HDAC7: variants seen among roughly 807,000 people sequenced by gnomAD.
The protein encoded by HDAC7 is histone deacetylase 7A.
HDAC7 carries 26 observed loss-of-function variants against 115.5 expected under a neutral mutation model. The ratio of observed to expected loss-of-function variants is 0.23; its 90% CI spans 0.16 to 0.31. The LOEUF (loss-of-function observed/expected upper bound fraction) is 0.31, where lower values mean the gene tolerates loss of function less well. HDAC7 is among the 10% of genes least tolerant of loss of function. HDAC7 has a pLI of 1.00. For missense variants in HDAC7, 1,068 were observed against 1,329.0 expected (o/e 0.80, Z 3.05); for synonymous variants, 564 against 550.9 (o/e 1.02, Z -0.33).
intron 1 of HDAC7, among the ~76,000 whole-genome samples, chr12:47,815,592 A>C (rs968123024): frequency 2.0e-5 from 3 of 152,196 alleles, no homozygotes; most frequent in African/African-American, 4.8e-5. Context: ...CTGACTAGTC[A>C]ATCTGGAATG....
chr12:47,791,133 C>G, intron 16 of HDAC7, 126 bp downstream of exon 16: 1 of 945,650 alleles, frequency 1.1e-6, no homozygotes, highest in African/African-American at 1.6e-5. Context: ...CAGGAAGTCC[C>G]TGGCTCACCC....
At position 47,793,550 on chromosome 12, in the gene HDAC7, G is replaced by A. The variant is rs1196349321; in HGVS notation, c.1497C>T (p.Leu499=). The A allele has an allele frequency of 1.2e-5, 18 of 1,546,004 alleles. No homozygotes were observed. The East Asian group carries it at 3.9e-4, about 34-fold the overall frequency. ...CAGTGTCCCCGGTGCTGCCCCGGGG[G>A]AGCCGCCCAGCCAGTCGCTGCTGTT... ...LWEQQRLAGR[L]PRGSTGDTVL... The change falls in exon 13 of 26, where the codon CTC becomes CTT. Residue 499 remains leucine, a synonymous_variant. Transcript: ENST00000080059. This position sits in a 1 kb window ranked among gnomAD's most constrained non-coding sequence, Gnocchi z 4.5.
intron 1 of HDAC7, 74 bp downstream of exon 1, chr12:47,819,693 G>A (rs1186689231): frequency 3.8e-5 from 11 of 286,256 alleles, no homozygotes; most frequent in Non-Finnish European, 5.8e-5. Flanking sequence ...GGCCAGGGCC[G>A]GAGGCCGAGC....
intron 1 of HDAC7, chr12:47,817,490 C>A (rs1190113388): frequency 6.6e-6 from 1 of 152,322 alleles, no homozygotes; most frequent in Non-Finnish European, 1.5e-5. Context: ...TGCCCTCCCG[C>A]TAGCCCCAGA....
At chr12:47,786,753 G>T in intron 21 of HDAC7, 50 bp from the exon 22 acceptor site, 2 of 1,480,742 alleles carry the variant, frequency 1.4e-6, no homozygotes, top group South Asian at 1.1e-5. Context: ...GGGTTGCCAG[G>T]GGCGGTCCTG....
intron 1 of HDAC7, among the ~76,000 whole-genome samples, chr12:47,813,753 A>G (rs1944767970): frequency 6.6e-6 from 1 of 152,190 alleles, no homozygotes; most frequent in Admixed American, 6.5e-5. Flanking sequence ...CGGGAAGAGC[A>G]CTGAGCAGCC....
intron 1 of HDAC7, among the ~76,000 whole-genome samples, chr12:47,818,664 G>C (rs907257965): frequency 6.6e-6 from 1 of 152,224 alleles, no homozygotes; most frequent in Non-Finnish European, 1.5e-5. Flanking sequence ...GGGCCGCTGA[G>C]GGCCGATGCC....
Position 47,789,588 on chromosome 12 carries a change from G to T in HDAC7, c.2092-10C>A. 1 of 1,614,052 alleles carries T rather than the reference G, an allele frequency of 6.2e-7. No individual in the cohort carries two copies. Among genetic ancestry groups the T allele is most frequent in the Non-Finnish European group, 8.5e-7 (1 of 1,179,946 alleles). On this transcript the variant is annotated splice_polypyrimidine_tract_variant and intron_variant, in intron 17 of 25. Coordinates refer to ENST00000080059, the MANE Select transcript of HDAC7 (RefSeq NM_015401.5). ...CCACAGCGAAACCATTCTGGAAAAA[G>T]AAAGAATGCTTGTCAATCAACAGAC...
chr12:47,820,237 C>T (rs1385827615), upstream of HDAC7, among the ~76,000 whole-genome samples: 2 of 152,152 alleles, frequency 1.3e-5, no homozygotes, highest in East Asian at 3.9e-4. This position sits in a 1 kb window ranked among gnomAD's most constrained non-coding sequence, Gnocchi z 4.3. Context: ...GCTACCTGGG[C>T]GCACGCACCC....
intron 25 of HDAC7, 32 bp downstream of exon 25, chr12:47,784,047 C>T: frequency 6.2e-7 from 1 of 1,609,624 alleles, no homozygotes; most frequent in South Asian, 1.1e-5. Context: ...GGTGGAGAGG[C>T]TGTGGGCCCA....
In HDAC7 at chr12:47,785,430, G is replaced by T; in HGVS notation, c.2748C>A (p.Asn916Lys). 1 of 1,613,208 alleles carries T rather than the reference G, an allele frequency of 6.2e-7. No homozygotes were observed. The highest frequency in any genetic ancestry group is 8.5e-7 in the Non-Finnish European group (1 of 1,179,670). The change falls in exon 24 of 26, where the codon AAC (asparagine) becomes AAA (lysine). Residue 916 changes from asparagine (N) to lysine (K), a missense_variant. By Grantham distance (94) the Asn-to-Lys change is moderately conservative. Coordinates refer to ENST00000080059, the MANE Select transcript of HDAC7 (RefSeq NM_015401.5). ...CCTCCAGAGAGCGGATGGCATTGAG[G>T]TTGGGTTTCTGTTTCCAGCCTTCTT... is the stretch of plus-strand genomic sequence containing the variant. ...LSEEGWKQKP[N>K]LNAIRSLEAV...
intron 22 of HDAC7, 183 bp from the exon 23 acceptor site, chr12:47,786,068 G>C: frequency 1.6e-6 from 1 of 641,422 alleles, no homozygotes; most frequent in Non-Finnish European, 2.5e-6. Context: ...TTCACTCAAG[G>C]CTCAGGGAGG....
rs1414067639 is a variant in HDAC7, at chr12:47,798,014, G to A, written c.461+94C>T. 5.6e-6 allele frequency: 5 copies of A among 894,520 alleles called. No individual in the cohort carries two copies. Among genetic ancestry groups the A allele is most frequent in the African/African-American group, 1.6e-5 (1 of 60,638 alleles). The allele number at this position is 894,520 out of a possible 1,614,324, so 55.4% of individuals were successfully genotyped here. ...GTAAGGACTGGTTGTGGCAACTGGG[G>A]AGGAAGGAGGCAAGTGTGTGTGCTC... On this transcript the variant is annotated intron_variant, in intron 5 of 25. Coordinates refer to ENST00000080059, the MANE Select transcript of HDAC7 (RefSeq NM_015401.5). This position sits in a 1 kb window ranked among gnomAD's most constrained non-coding sequence, Gnocchi z 4.3.
At chr12:47,789,379 T>G (rs1943356018) in intron 18 of HDAC7, 31 bp from the exon 19 acceptor site, 1 of 1,596,538 alleles carries the variant, frequency 6.3e-7, no homozygotes, top group African/African-American at 1.3e-5. Context: ...TGCCAGCCCA[T>G]TCTCTCCACA....
rs750631029 is a variant in HDAC7, at chr12:47,787,702, G to C, written c.2453+10C>G. On this transcript the variant is annotated intron_variant, in intron 21 of 25. Coordinates refer to ENST00000080059, the MANE Select transcript of HDAC7 (RefSeq NM_015401.5). ...GTGGACTTGCCCCTCTGGGCCCCCAGAGCACGTACCTGAAAGCAGCCAGGT... is the reference window on the plus strand; with the variant it reads ...GTGGACTTGCCCCTCTGGGCCCCCACAGCACGTACCTGAAAGCAGCCAGGT... 6.9e-6 allele frequency: 11 copies of C among 1,597,436 alleles called. No individual in the cohort carries two copies. Among genetic ancestry groups the C allele is most frequent in the Middle Eastern group, 3.6e-4 (2 of 5,576 alleles).
At chr12:47,807,982 G>A (rs2137040056) in intron 1 of HDAC7, among the ~76,000 whole-genome samples, 1 of 152,356 alleles carries the variant, frequency 6.6e-6, no homozygotes, top group East Asian at 1.9e-4. Context: ...ATAGGCAGAG[G>A]AGCCAGCTGC....
chr12:47,812,369 T>G (rs1458706600), intron 1 of HDAC7, among the ~76,000 whole-genome samples: 1 of 152,204 alleles, frequency 6.6e-6, no homozygotes, highest in Non-Finnish European at 1.5e-5. Flanking sequence ...GTCTGCAACA[T>G]TCCCTATCCC....
At chr12:47,802,364 T>C in intron 1 of HDAC7, 90 bp from the exon 2 acceptor site, 6 of 1,534,926 alleles carry the variant, frequency 3.9e-6, no homozygotes, top group Non-Finnish European at 4.4e-6. Flanking sequence ...GCCTGCTCCC[T>C]GCCACTCCAA....
intron 1 of HDAC7, among the ~76,000 whole-genome samples, chr12:47,806,687 TCAAAAA>T (rs926542765): frequency 1.8e-4 from 27 of 152,124 alleles, no homozygotes; most frequent in African/African-American, 5.3e-4. Context: ...AGACTCCGTC[TCAAAAA>T]CAAAAACAAA....
Sources: gnomAD v4.1 joint callset for allele counts (sites outside exome capture counted in the v4.1 genomes callset) on GRCh38, gnomAD v4.1.1 for gene constraint, Gnocchi (gnomAD v3.1) non-coding constraint, MANE v1.5 for transcripts, NCBI Gene and HGNC (gene_info 2026-07-23, HGNC 2026-07-21) for gene names.